Variants in NOS1AP observed in about 807,000 individuals in gnomAD.
NOS1AP encodes nitric oxide synthase 1 adaptor protein, also known as carboxyl-terminal PDZ ligand of neuronal nitric oxide synthase protein.
A neutral mutation model predicts 56.2 loss-of-function variants in NOS1AP; 21 were observed. The observed-to-expected ratio is 0.37, with a 90% CI of 0.26 to 0.54. NOS1AP has a LOEUF of 0.54. NOS1AP is among the 20% of genes least tolerant of loss of function. NOS1AP has a pLI of 0.84. For missense variants in NOS1AP, 522 were observed against 657.8 expected (o/e 0.79, Z 2.26); for synonymous variants, 270 against 274.6 (o/e 0.98, Z 0.17).
At chr1:162,176,403 AT>A (rs1651059938) in intron 2 of NOS1AP, among the ~76,000 whole-genome samples, 1 of 151,814 alleles carries the variant, frequency 6.6e-6, no homozygotes, top group Non-Finnish European at 1.5e-5. Context: ...CTAGAATGCC[AT>A]GTAATTAGAA....
chr1:162,236,864 C>A (rs1286128300), intron 2 of NOS1AP, among the ~76,000 whole-genome samples: 1 of 152,196 alleles, frequency 6.6e-6, no homozygotes, highest in Non-Finnish European at 1.5e-5. Flanking sequence ...CTGTCTTCAC[C>A]CTCCTTCTTA....
At chr1:162,114,821 G>A (rs1447934781) in intron 1 of NOS1AP, among the ~76,000 whole-genome samples, 3 of 152,130 alleles carry the variant, frequency 2.0e-5, no homozygotes, top group South Asian at 2.1e-4. Context: ...TTAAGTCATC[G>A]TTTGCGTCTA....
intron 6 of NOS1AP, among the ~76,000 whole-genome samples, chr1:162,349,437 G>T (rs1210895765): frequency 6.6e-6 from 1 of 152,178 alleles, no homozygotes; most frequent in African/African-American, 2.4e-5. Flanking sequence ...TGGAGAGAGA[G>T]TTGGAGCCAT....
intron 5 of NOS1AP, among the ~76,000 whole-genome samples, chr1:162,337,902 T>C (rs1656991012): frequency 6.6e-6 from 1 of 152,222 alleles, no homozygotes; most frequent in Non-Finnish European, 1.5e-5. Context: ...TTCAGAGCCT[T>C]AGTACTGTAG....
intron 2 of NOS1AP, among the ~76,000 whole-genome samples, chr1:162,171,352 A>C (rs759759960): frequency 2.6e-5 from 4 of 152,112 alleles, no homozygotes; most frequent in African/African-American, 9.7e-5. Flanking sequence ...GGAATGGCAC[A>C]TGACTTTCTC....
intron 4 of NOS1AP, among the ~76,000 whole-genome samples, chr1:162,330,662 G>A (rs1656736644): frequency 6.6e-6 from 1 of 152,180 alleles, no homozygotes; most frequent in Non-Finnish European, 1.5e-5. Context: ...GCTTTAAGAG[G>A]AAAATGATGG....
chr1:162,088,465 G>T (rs1278481196), intron 1 of NOS1AP, among the ~76,000 whole-genome samples: 3 of 152,172 alleles, frequency 2.0e-5, no homozygotes, highest in Non-Finnish European at 4.4e-5. Flanking sequence ...ACAGAATAAG[G>T]ACATTTGTGA....
At chr1:162,345,983 T>G in intron 6 of NOS1AP, among the ~76,000 whole-genome samples, 1 of 152,294 alleles carries the variant, frequency 6.6e-6, no homozygotes, top group East Asian at 1.9e-4. Flanking sequence ...CCAGTAAAAC[T>G]GTGCTTATAA....
At chr1:162,323,800 C>T (rs370468359) in intron 4 of NOS1AP, among the ~76,000 whole-genome samples, 8 of 152,156 alleles carry the variant, frequency 5.3e-5, no homozygotes, top group African/African-American at 1.9e-4. Context: ...AGAAAGCAGA[C>T]GAGCTGCAAC....
chr1:162,359,596 C>T (rs563590839), intron 8 of NOS1AP, among the ~76,000 whole-genome samples: 2 of 152,130 alleles, frequency 1.3e-5, no homozygotes, highest in Non-Finnish European at 2.9e-5. Flanking sequence ...GGCTTTTTTA[C>T]TAGTGTCTAT....
At chr1:162,105,297 G>C (rs1200816245) in intron 1 of NOS1AP, among the ~76,000 whole-genome samples, 1 of 152,224 alleles carries the variant, frequency 6.6e-6, no homozygotes, top group African/African-American at 2.4e-5. Flanking sequence ...TGTCCTAGGA[G>C]GGCATTGACC....
intron 2 of NOS1AP, among the ~76,000 whole-genome samples, chr1:162,197,985 GAGTGTGT>G (rs1651863008): frequency 6.6e-6 from 1 of 152,250 alleles, no homozygotes; most frequent in Non-Finnish European, 1.5e-5. Context: ...GCCTCGCCCA[GAGTGTGT>G]CTTCATCCTA....
chr1:162,339,394 CT>C lies in NOS1AP; in HGVS notation c.454-4434del, dbSNP rs34840500. ...ACAGAAATAATGCAGTATAATGATGCTTTTTTTAAAAAAAAAAAAAATCTAG... is the reference window on the plus strand; with the variant it reads ...ACAGAAATAATGCAGTATAATGATGCTTTTTTAAAAAAAAAAAAAATCTAG... On this transcript the variant is annotated intron_variant, in intron 5 of 9. Transcript: ENST00000361897. Among the ~76,000 whole-genome samples, 181 of 105,494 alleles carry C rather than the reference CT, an allele frequency of 1.7e-3. 1 individual carries two copies. Among genetic ancestry groups the C allele is most frequent in the African/African-American group, 6.9e-3 (157 of 22,600 alleles). 69.2% of individuals were successfully genotyped at this position (105,494 alleles called of 152,430 possible).
chr1:162,172,929 G>GT (rs35870777), intron 2 of NOS1AP, among the ~76,000 whole-genome samples: 77,404 of 149,444 alleles, frequency 0.52, 21,909 homozygotes, highest in East Asian at 0.76. Context: ...TCAATAGGAG[G>GT]TTTTTTTTTT....
At chr1:162,245,900 C>T (rs941870196) in intron 2 of NOS1AP, among the ~76,000 whole-genome samples, 5 of 152,206 alleles carry the variant, frequency 3.3e-5, no homozygotes, top group Admixed American at 6.5e-5. Flanking sequence ...TTAACGTTTA[C>T]GTTTTTCCTT....
intron 1 of NOS1AP, among the ~76,000 whole-genome samples, chr1:162,124,192 G>C (rs1302016165): frequency 6.6e-6 from 1 of 151,952 alleles, no homozygotes; most frequent in East Asian, 1.9e-4. Flanking sequence ...GCATTGTATA[G>C]CGGTGAAGTC....
chr1:162,070,364 G>A, intron 1 of NOS1AP, 82 bp downstream of exon 1: 1 of 1,211,146 alleles, frequency 8.3e-7, no homozygotes, highest in South Asian at 1.2e-5. Context: ...CAGCCGTCCT[G>A]GACCCAGAGC....
chr1:162,251,680 GTA>G (rs1307653355), intron 2 of NOS1AP, among the ~76,000 whole-genome samples: 26 of 150,930 alleles, frequency 1.7e-4, no homozygotes, highest in Admixed American at 4.0e-4. Context: ...GTATGTGTGT[GTA>G]TATATACACA....
At chr1:162,134,427 A>G (rs766113795) in intron 1 of NOS1AP, among the ~76,000 whole-genome samples, 88 of 149,614 alleles carry the variant, frequency 5.9e-4, no homozygotes, top group Non-Finnish European at 1.0e-3. Flanking sequence ...TGGAGGTTGT[A>G]CTGAGCTGAG....
Sources: allele counts gnomAD v4.1 joint callset (sites outside exome capture counted in the v4.1 genomes callset), GRCh38; gene constraint gnomAD v4.1.1; transcripts MANE v1.5; gene names NCBI Gene and HGNC (gene_info 2026-07-23, HGNC 2026-07-21).